The following TTC7B variants were observed in gnomAD, a reference collection of about 807,000 sequenced individuals.
TTC7B encodes the protein tetratricopeptide repeat protein 7B.
A neutral mutation model predicts 106.8 loss-of-function variants in TTC7B; 28 were observed. That is an observed-to-expected ratio of 0.26 (90% CI 0.19 to 0.36). The LOEUF is 0.36. Ranked by LOEUF, TTC7B falls within the 10% of genes least tolerant of loss-of-function variation. The pLI, the probability that TTC7B is intolerant of heterozygous loss-of-function variation, is 1.00. For missense variants in TTC7B, 862 were observed against 1,076.4 expected (o/e 0.80, Z 2.79); for synonymous variants, 405 against 430.6 (o/e 0.94, Z 0.74).
chr14:90,581,295 T>C (rs1466661457), intron 18 of TTC7B, among the ~76,000 whole-genome samples: 1 of 152,000 alleles, frequency 6.6e-6, no homozygotes, highest in African/African-American at 2.4e-5. Context: ...ACTCAGAAGG[T>C]AACTCCTGAA....
At chr14:90,686,290 T>C (rs1383138774) in intron 7 of TTC7B, among the ~76,000 whole-genome samples, 1 of 152,020 alleles carries the variant, frequency 6.6e-6, no homozygotes, top group Non-Finnish European at 1.5e-5. Context: ...CCATTAATAA[T>C]AAAAATAACA....
At chr14:90,737,766 C>T (rs1220736131) in intron 4 of TTC7B, among the ~76,000 whole-genome samples, 1 of 152,046 alleles carries the variant, frequency 6.6e-6, no homozygotes, top group African/African-American at 2.4e-5. Flanking sequence ...ACCATATTGG[C>T]CAGGCTGGTC....
chr14:90,541,694 ATATCG>A, intron 19 of TTC7B, 105 bp from the exon 20 acceptor site: 1 of 906,232 alleles, frequency 1.1e-6, no homozygotes, highest in Non-Finnish European at 1.6e-6. Flanking sequence ...AGCCGGGAAT[ATATCG>A]CCATTGGGCT....
In TTC7B at chr14:90,706,161, ATT is replaced by A. The variant is rs59137630; in HGVS notation, c.699-10585_699-10584del. Among the ~76,000 whole-genome samples the A allele has an allele frequency of 2.8e-3, 364 of 128,418 alleles. 1 individual carries two copies. The highest frequency in any genetic ancestry group is 0.012 in the Middle Eastern group (3 of 244). The allele number at this position is 128,418 out of a possible 152,430, so 84.2% of individuals were successfully genotyped here. A position where few individuals can be genotyped will look rare whatever the true frequency, so the allele number is the denominator to read the frequency against. On this transcript the variant is annotated intron_variant, in intron 5 of 19. Coordinates refer to ENST00000328459, the MANE Select transcript of TTC7B (RefSeq NM_001010854.2). Reference sequence around the variant, plus strand: ...GCATTTTCATTTATTAGCTGGAATAATTTTTTTTTTTTTTTTTTTTGAGATGG... The same window carrying A: ...GCATTTTCATTTATTAGCTGGAATAATTTTTTTTTTTTTTTTTTGAGATGG...
chr14:90,787,844 A>G (rs1891444696), intron 1 of TTC7B, among the ~76,000 whole-genome samples: 1 of 152,208 alleles, frequency 6.6e-6, no homozygotes, highest in Admixed American at 6.5e-5. Context: ...ACTGAACTCA[A>G]GAACTCATTA....
At chr14:90,637,405 C>A (rs4904718) in intron 15 of TTC7B, among the ~76,000 whole-genome samples, 1 of 6,412 alleles carries the variant, frequency 1.6e-4, no homozygotes, top group Non-Finnish European at 4.8e-4. Context: ...CAGAGAAAAA[C>A]CCCCCCCCAG....
intron 3 of TTC7B, among the ~76,000 whole-genome samples, chr14:90,745,987 G>GC (rs74335306): frequency 0.28 from 41,790 of 151,918 alleles, 6,329 homozygotes; most frequent in East Asian, 0.38. Flanking sequence ...ACAGGTGTGA[G>GC]CCACTGTGCC....
intron 2 of TTC7B, among the ~76,000 whole-genome samples, chr14:90,784,054 G>A (rs1891300728): frequency 6.6e-6 from 1 of 152,004 alleles, no homozygotes; most frequent in Non-Finnish European, 1.5e-5. Context: ...TGAAGTTGGG[G>A]GGCGGGTAGA....
chr14:90,670,343 A>G (rs1886583537), intron 9 of TTC7B, among the ~76,000 whole-genome samples: 1 of 152,232 alleles, frequency 6.6e-6, no homozygotes, highest in African/African-American at 2.4e-5. Context: ...TTACTAGGGT[A>G]TCGGGAAGGA....
At chr14:90,579,072 C>T (rs1303602873) in intron 18 of TTC7B, among the ~76,000 whole-genome samples, 1 of 152,214 alleles carries the variant, frequency 6.6e-6, no homozygotes, top group Non-Finnish European at 1.5e-5. Context: ...CCAAGGGCGG[C>T]CTCCCTGCCT....
chr14:90,634,927 A>C (rs1884867068), intron 15 of TTC7B, among the ~76,000 whole-genome samples: 1 of 152,272 alleles, frequency 6.6e-6, no homozygotes. Context: ...TGTCATAGCA[A>C]AAGTGTACAA....
rs1890334849 is a variant in TTC7B at position 90,757,297 on chromosome 14, G to T, written c.446-12375C>A. ...TCAATGTTTCCAAAAATGAAAAGCA[G>T]TCCTGGCGCGGTGGCTCACATCTGT... is the stretch of plus-strand genomic sequence containing the variant. On this transcript the variant is annotated intron_variant, in intron 3 of 19. Transcript: ENST00000328459. This position sits in a 1 kb window ranked among gnomAD's most constrained non-coding sequence, Gnocchi z 4.1. 6.6e-6 allele frequency among the ~76,000 whole-genome samples: 1 copy of T among 152,126 alleles called. No individual in the cohort carries two copies.
chr14:90,763,697 T>C (rs1379565244), intron 3 of TTC7B, among the ~76,000 whole-genome samples: 1 of 152,216 alleles, frequency 6.6e-6, no homozygotes, highest in Non-Finnish European at 1.5e-5. Context: ...AAATGAGCTG[T>C]ATTTCTATAC....
chr14:90,810,081 T>G (rs1239320276), intron 1 of TTC7B, among the ~76,000 whole-genome samples: 1 of 152,234 alleles, frequency 6.6e-6, no homozygotes, highest in Admixed American at 6.5e-5. Flanking sequence ...CCAAAAGTTG[T>G]TTTTTGTTGT....
chr14:90,758,055 A>G (rs779624214), intron 3 of TTC7B, among the ~76,000 whole-genome samples: 1 of 152,170 alleles, frequency 6.6e-6, no homozygotes, highest in East Asian at 1.9e-4. Context: ...GCGAACAGCC[A>G]GGGCCTGTGA....
intron 17 of TTC7B, among the ~76,000 whole-genome samples, chr14:90,595,497 C>T (rs1892166139): frequency 6.6e-6 from 1 of 152,188 alleles, no homozygotes; most frequent in Non-Finnish European, 1.5e-5. Context: ...GATTAAACTG[C>T]TGTCAAAATT....
chr14:90,682,755 G>C (rs77568047), intron 7 of TTC7B, among the ~76,000 whole-genome samples: 3 of 152,174 alleles, frequency 2.0e-5, no homozygotes, highest in Non-Finnish European at 4.4e-5. Flanking sequence ...GGCTCAGCAG[G>C]CATGAGGACA....
At position 90,802,312 on chromosome 14, in the gene TTC7B, T is replaced by C. The variant is rs565818438; in HGVS notation, c.121+13863A>G. ...TCAGGGAGCCTTTAGCAGGGAAGTC[T>C]AGGGTGCCTGTGCCCGTGCCTGCAG... On this transcript the variant is annotated intron_variant, in intron 1 of 19. Transcript: ENST00000328459. The surrounding 1 kb of genome is among the most constrained non-coding windows in gnomAD (Gnocchi z 4.7). Among the ~76,000 whole-genome samples, 127 of 152,094 alleles carry C rather than the reference T, an allele frequency of 8.4e-4. No individual in the cohort carries two copies. Among genetic ancestry groups the C allele is most frequent in the African/African-American group, 2.9e-3 (120 of 41,480 alleles).
chr14:90,646,159 C>G (rs1336957869), intron 14 of TTC7B, among the ~76,000 whole-genome samples: 2 of 152,202 alleles, frequency 1.3e-5, no homozygotes, highest in African/African-American at 2.4e-5. Context: ...ACCAGGAAGA[C>G]AGGTGCATAC....
Sources: allele counts gnomAD v4.1 joint callset (sites outside exome capture counted in the v4.1 genomes callset), GRCh38; gene constraint gnomAD v4.1.1; non-coding constraint Gnocchi (gnomAD v3.1); transcripts MANE v1.5; gene names NCBI Gene and HGNC (gene_info 2026-07-23, HGNC 2026-07-21).